The following GALNT10 variants were observed in gnomAD, a reference collection of about 807,000 sequenced individuals.
GALNT10 encodes the protein GalNAc transferase 10.
In GALNT10, 41 loss-of-function variants were observed where a neutral mutation model predicts 75.0. The observed-to-expected ratio is 0.55, with a 90% confidence interval of 0.43 to 0.71. The LOEUF (loss-of-function observed/expected upper bound fraction) is 0.71. Among genes scored for constraint, GALNT10 ranks in the 30% least tolerant of loss-of-function variants. The pLI, the probability that GALNT10 is intolerant of heterozygous loss-of-function variation, is 0.00. For missense variants in GALNT10, 727 were observed against 818.5 expected, an observed-to-expected ratio of 0.89 and a Z score of 1.36; for synonymous variants, 302 against 313.0, an observed-to-expected ratio of 0.96 and a Z score of 0.37.
In GALNT10 at chr5:154,409,558, C is replaced by A. The variant is rs766356955; in HGVS notation, c.1182C>A (p.Ala394=). 2.5e-6 allele frequency: 4 copies of A among 1,612,942 alleles called. No homozygotes were observed. Among genetic ancestry groups the A allele is most frequent in the Middle Eastern group, 1.6e-4 (1 of 6,084 alleles). The part of the protein sequence containing the change: ...VSLARNLKRV[A]EVWMDEYAEY... ...CCCCATAGAACCTTAAGCGGGTGGCCGAAGTGTGGATGGATGAGTACGCAG... is the reference window on the plus strand; with the variant it reads ...CCCCATAGAACCTTAAGCGGGTGGCAGAAGTGTGGATGGATGAGTACGCAG... The change falls in exon 9 of 12, where the codon GCC becomes GCA. Residue 394 remains alanine, a synonymous_variant. Coordinates refer to ENST00000297107, the MANE Select transcript of GALNT10 (RefSeq NM_198321.4). The surrounding 1 kb of genome is among the most constrained non-coding windows in gnomAD (Gnocchi z 4.5).
chr5:154,376,137 C>T lies in GALNT10; in HGVS notation c.569-140C>T, dbSNP rs1446954441. 4.5e-6 allele frequency: 3 copies of T among 671,412 alleles called. No homozygotes were observed. Among genetic ancestry groups the T allele is most frequent in the South Asian group, 1.8e-5 (1 of 54,114 alleles). The allele number at this position is 671,412 out of a possible 1,614,324, so 41.6% of individuals were successfully genotyped here. ...GTGATGAGAACACTGCCCTTCTTCT[C>T]CCTGTCTGAAAGGTCTAGTGAGGCA... On this transcript the variant is annotated intron_variant, in intron 4 of 11. Transcript: ENST00000297107. The surrounding 1 kb of genome is among the most constrained non-coding windows in gnomAD (Gnocchi z 4.1).
chr5:154,293,613 A>ATATATTTT, intron 1 of GALNT10, among the ~76,000 whole-genome samples: 46 of 109,418 alleles, frequency 4.2e-4, no homozygotes, highest in African/African-American at 1.9e-3. Flanking sequence ...ATATATATAT[A>ATATATTTT]TTTTTTTTTT....
chr5:154,212,421 G>A (rs751925275), intron 1 of GALNT10, among the ~76,000 whole-genome samples: 1 of 152,156 alleles, frequency 6.6e-6, no homozygotes, highest in Non-Finnish European at 1.5e-5. Flanking sequence ...TAACATCCTT[G>A]GAATTGTGCA....
chr5:154,257,796 C>G (rs1232491408), intron 1 of GALNT10, among the ~76,000 whole-genome samples: 2 of 152,048 alleles, frequency 1.3e-5, no homozygotes. Flanking sequence ...TTACATTTAT[C>G]TGACATCATT....
intron 1 of GALNT10, among the ~76,000 whole-genome samples, chr5:154,238,628 A>T (rs997287475): frequency 6.6e-6 from 1 of 152,156 alleles, no homozygotes; most frequent in Non-Finnish European, 1.5e-5. Context: ...AACTCCAGGG[A>T]AGGCAAGTCC....
intron 1 of GALNT10, among the ~76,000 whole-genome samples, chr5:154,216,394 A>C (rs1246556454): frequency 1.3e-5 from 2 of 152,136 alleles, no homozygotes; most frequent in Non-Finnish European, 2.9e-5. Context: ...AAATGTATCT[A>C]CTTATTCATC....
At chr5:154,386,143 G>A (rs1208087340) in intron 6 of GALNT10, among the ~76,000 whole-genome samples, 170 bp from the exon 7 acceptor site, 1 of 152,202 alleles carries the variant, frequency 6.6e-6, no homozygotes, top group Non-Finnish European at 1.5e-5. Context: ...GGAAGTTGTA[G>A]GAAAGAAAGG....
intron 7 of GALNT10, among the ~76,000 whole-genome samples, chr5:154,398,177 T>C (rs745578779): frequency 6.6e-6 from 1 of 152,202 alleles, no homozygotes; most frequent in Non-Finnish European, 1.5e-5. Flanking sequence ...TAGCAGGATA[T>C]GTTTGGGAAC....
chr5:154,411,945 A>G (rs964362946), intron 9 of GALNT10, among the ~76,000 whole-genome samples: 31 of 152,322 alleles, frequency 2.0e-4, no homozygotes, highest in African/African-American at 7.0e-4. Flanking sequence ...TCCAGACTGC[A>G]GTAAAGCTGT....
At chr5:154,321,876 G>T (rs183528133) in intron 3 of GALNT10, among the ~76,000 whole-genome samples, 2 of 152,174 alleles carry the variant, frequency 1.3e-5, no homozygotes, top group Admixed American at 1.3e-4. Context: ...AGACTCTGGG[G>T]TCAGTGTTGC....
chr5:154,284,976 C>T lies in GALNT10; in HGVS notation c.160-9840C>T, dbSNP rs78435871. 3.0e-4 allele frequency among the ~76,000 whole-genome samples: 45 copies of T among 152,262 alleles called. 1 individual carries two copies. In the East Asian group the frequency reaches 8.1e-3, roughly 27 times the overall value. On this transcript the variant is annotated intron_variant, in intron 1 of 11. Coordinates refer to ENST00000297107, the MANE Select transcript of GALNT10 (RefSeq NM_198321.4). ...GAGTTAGGCTATAATAAACCCACCA[C>T]TTAAGGTGAAAATAACACAAAATCA...
At chr5:154,249,130 G>A (rs546933678) in intron 1 of GALNT10, among the ~76,000 whole-genome samples, 2 of 152,312 alleles carry the variant, frequency 1.3e-5, no homozygotes, top group East Asian at 3.9e-4. Context: ...AAGTTCCTGG[G>A]CTTGCCCCTT....
intron 4 of GALNT10, among the ~76,000 whole-genome samples, chr5:154,361,518 G>A (rs1755387680): frequency 6.6e-6 from 1 of 152,066 alleles, no homozygotes; most frequent in Non-Finnish European, 1.5e-5. Context: ...TGTCTTCCTC[G>A]GACCCGAACT....
In GALNT10 at chr5:154,420,292, A is replaced by C. The variant is rs527440447; in HGVS notation, c.*3320A>C. On this transcript the variant is annotated 3_prime_UTR_variant, in exon 12 of 12. Coordinates refer to ENST00000297107, the MANE Select transcript of GALNT10 (RefSeq NM_198321.4). ...AGTCTACATGACATTCACTTTTCAAACTTCCCACCAGTTGAATTTCTTTTT... is the reference window on the plus strand; with the variant it reads ...AGTCTACATGACATTCACTTTTCAACCTTCCCACCAGTTGAATTTCTTTTT... 1 of 152,200 alleles carries C rather than the reference A, an allele frequency of 6.6e-6. No individual in the cohort carries two copies. Among genetic ancestry groups the C allele is most frequent in the East Asian group, 1.9e-4 (1 of 5,192 alleles). 9.4% of individuals were successfully genotyped at this position (152,200 alleles called of 1,614,324 possible). A position where few individuals can be genotyped will look rare whatever the true frequency, so the allele number is the denominator to read the frequency against.
At chr5:154,317,787 T>C (rs7732182) in intron 3 of GALNT10, among the ~76,000 whole-genome samples, 88,036 of 152,120 alleles carry the variant, frequency 0.58, 28,112 homozygotes, top group Admixed American at 0.74. Context: ...TTGGTTTATA[T>C]AACTGAAAAG....
Position 154,416,815 on chromosome 5 carries a change from A to G in GALNT10, c.1655A>G (p.Asp552Gly), listed in dbSNP as rs750246554. ...KGNQLWKYRKDKTLYHPVSGS... is the reference protein window; with the variant it reads ...KGNQLWKYRKGKTLYHPVSGS... ...GCTTATTACCTCCATGTTTTGTAGG[A>G]CAAGACCCTGTACCACCCTGTCAGT... The change falls in exon 12 of 12, where the codon GAC (aspartate) becomes GGC (glycine). Residue 552 changes from aspartate to glycine, a missense_variant and splice_region_variant. Transcript: ENST00000297107. The surrounding 1 kb of genome is among the most constrained non-coding windows in gnomAD (Gnocchi z 4.5). 6 of 1,612,566 alleles carry G rather than the reference A, an allele frequency of 3.7e-6. No individual in the cohort carries two copies. The Admixed American group carries it at 8.3e-5, about 22-fold the overall frequency.
chr5:154,395,535 T>G (rs1202446855), intron 7 of GALNT10, among the ~76,000 whole-genome samples: 1 of 152,202 alleles, frequency 6.6e-6, no homozygotes, highest in Non-Finnish European at 1.5e-5. Flanking sequence ...TCAGCATGGT[T>G]GTGGTTATTG....
At chr5:154,375,538 G>A (rs1755641655) in intron 4 of GALNT10, among the ~76,000 whole-genome samples, 1 of 152,178 alleles carries the variant, frequency 6.6e-6, no homozygotes, top group African/African-American at 2.4e-5. Context: ...GAGCATCTAG[G>A]AGTCTGTCTG....
intron 1 of GALNT10, among the ~76,000 whole-genome samples, chr5:154,214,482 C>T (rs922307147): frequency 6.6e-6 from 1 of 152,068 alleles, no homozygotes; most frequent in Non-Finnish European, 1.5e-5. Context: ...AGAAAAAAAA[C>T]CCCAAACCTC....
Sources: gnomAD v4.1 joint callset for allele counts (sites outside exome capture counted in the v4.1 genomes callset) on GRCh38, gnomAD v4.1.1 for gene constraint, Gnocchi (gnomAD v3.1) non-coding constraint, MANE v1.5 for transcripts, NCBI Gene and HGNC (gene_info 2026-07-23, HGNC 2026-07-21) for gene names.